The following PPEF1 variants were observed in gnomAD, a reference collection of about 807,000 sequenced individuals.
PPEF1 encodes the protein serine/threonine-protein phosphatase with EF-hands 1.
Under a neutral mutation model 53.3 loss-of-function variants are expected in PPEF1, and 12 were observed. The observed-to-expected ratio is 0.23, with a 90% confidence interval of 0.14 to 0.36. The LOEUF (loss-of-function observed/expected upper bound fraction) is 0.36, where lower values mean the gene tolerates loss of function less well. PPEF1 is among the 10% of genes least tolerant of loss of function. The pLI is 1.00. For synonymous variants in PPEF1, 165 were observed against 176.7 expected, an observed-to-expected ratio of 0.93 and a Z score of 0.52; for missense variants, 334 against 490.4, an observed-to-expected ratio of 0.68 and a Z score of 3.01.
At chrX:18,769,928 G>T (rs188253014) in intron 6 of PPEF1, among the ~76,000 whole-genome samples, 1 of 111,843 alleles carries the variant, frequency 8.9e-6, no homozygotes, top group Non-Finnish European at 1.9e-5. Flanking sequence ...TAGGAAATAG[G>T]CGAGACTGTG....
At chrX:18,758,157 A>G (rs1005344520) in intron 5 of PPEF1, among the ~76,000 whole-genome samples, 2 of 111,863 alleles carry the variant, frequency 1.8e-5, no homozygotes, top group African/African-American at 6.5e-5. Flanking sequence ...CTGCTGTTTT[A>G]GATTTTTCCA....
intron 2 of PPEF1, among the ~76,000 whole-genome samples, chrX:18,685,408 A>G (rs950808908): frequency 6.3e-5 from 7 of 111,704 alleles, no homozygotes; most frequent in Admixed American, 3.8e-4. Flanking sequence ...GGGTTCTGCC[A>G]GGCACGGTGG....
At position 18,757,756 on chromosome X, in the gene PPEF1, A is replaced by G; in HGVS notation, c.511+15A>G. On this transcript the variant is annotated intron_variant, in intron 5 of 15. Transcript: ENST00000470157. ...AACAATCTGTGGTAAGTTTCAGAGC[A>G]GAGTTGTCCAATTAATATTTAGGAG... is the stretch of plus-strand genomic sequence containing the variant. The G allele has an allele frequency of 8.8e-7, 1 of 1,141,162 alleles. No individual in the cohort carries two copies. Among genetic ancestry groups the G allele is most frequent in the South Asian group, 1.8e-5 (1 of 54,735 alleles). 94.0% of individuals were successfully genotyped at this position (1,141,162 alleles called of 1,213,427 possible).
chrX:18,733,258 C>T (rs955109140), intron 2 of PPEF1, among the ~76,000 whole-genome samples: 5 of 111,446 alleles, frequency 4.5e-5, no homozygotes, highest in Middle Eastern at 4.2e-3. Context: ...AGCTGTCTTA[C>T]GTTGGATTTC....
chrX:18,676,728 G>A (rs150777280), intron 1 of PPEF1, among the ~76,000 whole-genome samples: 1,887 of 112,071 alleles, frequency 0.017, 18 homozygotes, highest in Admixed American at 0.028. Context: ...TACACCCACT[G>A]GTTGTGTTTT....
At chrX:18,820,394 T>G (rs7060721) in intron 13 of PPEF1, among the ~76,000 whole-genome samples, 1 of 108,953 alleles carries the variant, frequency 9.2e-6, no homozygotes, top group Non-Finnish European at 1.9e-5. Context: ...GACTCTTTTT[T>G]TTTTTTTTTG....
chrX:18,771,737 A>G (rs1450990354), intron 6 of PPEF1, among the ~76,000 whole-genome samples: 4 of 111,800 alleles, frequency 3.6e-5, no homozygotes, highest in Non-Finnish European at 7.5e-5. Flanking sequence ...TGTTGACTGG[A>G]AGCCTTAGCA....
At chrX:18,756,458 G>C (rs1025128677) in intron 4 of PPEF1, among the ~76,000 whole-genome samples, 3 of 111,826 alleles carry the variant, frequency 2.7e-5, no homozygotes, top group African/African-American at 6.5e-5. Context: ...AGGATTACAG[G>C]TGTGAGCCAC....
At chrX:18,730,695 T>A (rs1019526695) in intron 2 of PPEF1, among the ~76,000 whole-genome samples, 1 of 110,502 alleles carries the variant, frequency 9.0e-6, no homozygotes, top group South Asian at 3.8e-4. Context: ...GAAGAAAATA[T>A]ACATGGGTGA....
chrX:18,788,822 T>G (rs997031393), intron 9 of PPEF1, among the ~76,000 whole-genome samples: 67 of 112,691 alleles, frequency 5.9e-4, no homozygotes, highest in African/African-American at 2.1e-3. Context: ...TCTTCCATTT[T>G]CTGTGTGGAT....
At chrX:18,757,294 T>C (rs1485800554) in intron 4 of PPEF1, among the ~76,000 whole-genome samples, 1 of 111,174 alleles carries the variant, frequency 9.0e-6, no homozygotes, top group East Asian at 2.8e-4. Flanking sequence ...ATAATTTTTT[T>C]TCATTCTCCC....
chrX:18,772,159 A>G (rs2045884719), intron 6 of PPEF1, among the ~76,000 whole-genome samples: 1 of 111,451 alleles, frequency 9.0e-6, no homozygotes, highest in Non-Finnish European at 1.9e-5. Context: ...TCAAATATAT[A>G]TATTAAAGAA....
intron 13 of PPEF1, among the ~76,000 whole-genome samples, chrX:18,820,932 C>T (rs67583955): frequency 9.1e-6 from 1 of 109,542 alleles, no homozygotes; most frequent in South Asian, 4.0e-4. Flanking sequence ...TAGAAATAAT[C>T]CTTGGCTCCG....
intron 1 of PPEF1, among the ~76,000 whole-genome samples, chrX:18,727,454 T>A (rs1233945812): frequency 9.0e-6 from 1 of 111,401 alleles, no homozygotes; most frequent in Non-Finnish European, 1.9e-5. Context: ...TGAAGATGTG[T>A]GTAGGGAAAA....
chrX:18,812,172 G>A (rs1213810379), intron 12 of PPEF1, among the ~76,000 whole-genome samples: 1 of 111,519 alleles, frequency 9.0e-6, no homozygotes, highest in Non-Finnish European at 1.9e-5. Context: ...TGTGTATGGT[G>A]TGAAGGAAGG....
chrX:18,806,303 T>C (rs2046662634), intron 11 of PPEF1, 100 bp from the exon 12 acceptor site: 1 of 907,839 alleles, frequency 1.1e-6, no homozygotes, highest in Non-Finnish European at 1.5e-6. Context: ...TGAACCTTCT[T>C]TGATTTTTGC....
At chrX:18,683,450 G>A (rs1397975254) in intron 1 of PPEF1, among the ~76,000 whole-genome samples, 1 of 111,617 alleles carries the variant, frequency 9.0e-6, no homozygotes, top group Non-Finnish European at 1.9e-5. Flanking sequence ...GTGTATTAGG[G>A]ACTATTCTAA....
intron 6 of PPEF1, among the ~76,000 whole-genome samples, chrX:18,766,065 C>CAAAAAAAAAAAAAAA (rs61277288): frequency 1.6e-5 from 1 of 63,973 alleles, no homozygotes. Flanking sequence ...AACTCTGTCT[C>CAAAAAAAAAAAAAAA]AAAAAAAAAA....
At chrX:18,692,979 G>A (rs1602345207) in intron 4 of PPEF1, among the ~76,000 whole-genome samples, 1 of 111,807 alleles carries the variant, frequency 8.9e-6, no homozygotes, top group East Asian at 2.8e-4. Context: ...AGTGTACCCT[G>A]TAATCAGTGG....
Sources: gnomAD v4.1 joint callset for allele counts (sites outside exome capture counted in the v4.1 genomes callset) on GRCh38, gnomAD v4.1.1 for gene constraint, MANE v1.5 for transcripts, NCBI Gene and HGNC (gene_info 2026-07-23, HGNC 2026-07-21) for gene names.